PUDP: variants seen among roughly 807,000 people sequenced by gnomAD.
PUDP encodes the protein pseudouridine 5'-phosphatase, also known as pseudouridine-5'-phosphatase.
In PUDP, 8 loss-of-function variants were observed where a neutral mutation model predicts 9.4. That is an observed-to-expected ratio of 0.85 (90% confidence interval 0.50 to 1.53). PUDP has a LOEUF of 1.53. Ranked by LOEUF, PUDP falls within the 40% of genes most tolerant of loss-of-function variation. The pLI is 0.00. For synonymous variants in PUDP, 99 were observed against 80.7 expected, an observed-to-expected ratio of 1.23 and a Z score of -1.22; for missense variants, 188 against 189.7, an observed-to-expected ratio of 0.99 and a Z score of 0.05.
At position 6,741,806 on chromosome X, in the gene PUDP, ATCTCTCTC is replaced by A. The variant is rs745363071; in HGVS notation, c.*248-35348_*248-35341del. 1.2e-3 allele frequency among the ~76,000 whole-genome samples: 120 copies of A among 100,994 alleles called. 2 individuals carry two copies. Among genetic ancestry groups the A allele is most frequent in the African/African-American group, 4.0e-3 (107 of 26,985 alleles). 87.7% of individuals were successfully genotyped at this position (100,994 alleles called of 115,157 possible). A position where few individuals can be genotyped will look rare whatever the true frequency, so the allele number is the denominator to read the frequency against. On this transcript the variant is annotated intron_variant and NMD_transcript_variant, in intron 3 of 3. Coordinates refer to the PUDP transcript ENST00000655425. Reference sequence around the variant, plus strand: ...TGTATAAAGATTTCTCTCTTTTTAAATCTCTCTCTCTCTCTCTCTCTCTCTTTCTTTCT... The same window carrying A: ...TGTATAAAGATTTCTCTCTTTTTAAATCTCTCTCTCTCTCTCTTTCTTTCT...
intron 3 of PUDP, among the ~76,000 whole-genome samples, chrX:6,959,945 T>C (rs770413030): frequency 8.9e-6 from 1 of 112,856 alleles, no homozygotes; most frequent in Non-Finnish European, 1.9e-5. Context: ...ATTTCTTCCT[T>C]TTGAGAGAAT....
rs1274410969 is a variant in PUDP at position 7,137,118 on chromosome X, G to A, written c.61+10935C>T. ...TAGCTGGGTGTGGTGGCAGGCACCTGTAATCCCAGCTACTAGGGAGGCTAG... is the reference window on the plus strand; with the variant it reads ...TAGCTGGGTGTGGTGGCAGGCACCTATAATCCCAGCTACTAGGGAGGCTAG... On this transcript the variant is annotated intron_variant, in intron 1 of 3. Transcript: ENST00000381077. Among the ~76,000 whole-genome samples, 5 of 110,110 alleles carry A rather than the reference G, an allele frequency of 4.5e-5. No individual in the cohort carries two copies. In the South Asian group the frequency reaches 2.0e-3, roughly 44 times the overall value.
Position 7,084,058 on chromosome X carries a change from C to T in PUDP, c.281-6609G>A, listed in dbSNP as rs1273164614. Among the ~76,000 whole-genome samples the T allele has an allele frequency of 2.7e-5, 3 of 111,923 alleles. No individual in the cohort carries two copies. In the Admixed American group the frequency reaches 2.8e-4, roughly 11 times the overall value. On this transcript the variant is annotated intron_variant, in intron 2 of 3. Coordinates refer to ENST00000381077, the MANE Select transcript of PUDP (RefSeq NM_012080.5). ...GAGGACTACAGAGAAACCCTGTCAC[C>T]CTCCGGCCTCCATCCTCTTCCTAAG...
chrX:7,083,280 G>A (rs1299761599), intron 2 of PUDP, among the ~76,000 whole-genome samples: 1 of 112,124 alleles, frequency 8.9e-6, no homozygotes, highest in Non-Finnish European at 1.9e-5. Context: ...CCAGGTGTTT[G>A]TGGAAGAAGA....
intron 3 of PUDP, among the ~76,000 whole-genome samples, chrX:6,845,152 GT>G (rs1290195981): frequency 8.9e-6 from 1 of 111,891 alleles, no homozygotes; most frequent in African/African-American, 3.3e-5. Flanking sequence ...GCCTAGTCAA[GT>G]CGACACTTAC....
At chrX:7,037,826 GGGA>G (rs1229992868) in intron 1 of PUDP, among the ~76,000 whole-genome samples, 1 of 111,082 alleles carries the variant, frequency 9.0e-6, no homozygotes, top group Non-Finnish European at 1.9e-5. Flanking sequence ...ATGGGGTGAG[GGGA>G]GGACTGAAGA....
chrX:6,933,378 C>G (rs1442955963), intron 3 of PUDP, among the ~76,000 whole-genome samples: 1 of 111,770 alleles, frequency 8.9e-6, no homozygotes, highest in Non-Finnish European at 1.9e-5. Context: ...GCAAACAGGT[C>G]TGGAGTGGAC....
intron 1 of PUDP, among the ~76,000 whole-genome samples, chrX:6,992,857 T>G (rs1022697651): frequency 4.5e-5 from 5 of 111,867 alleles, no homozygotes; most frequent in Non-Finnish European, 9.4e-5. Flanking sequence ...TTCAATCAGC[T>G]GCCAATGCAG....
At chrX:6,765,773 G>T (rs930164739) in intron 3 of PUDP, among the ~76,000 whole-genome samples, 4 of 111,600 alleles carry the variant, frequency 3.6e-5, no homozygotes, top group Non-Finnish European at 7.5e-5. Context: ...AAAACAACTA[G>T]CTAAATGCCT....
At chrX:7,113,822 A>G in intron 1 of PUDP, among the ~76,000 whole-genome samples, 1 of 112,119 alleles carries the variant, frequency 8.9e-6, no homozygotes, top group Non-Finnish European at 1.9e-5. Context: ...CTGTCCAACT[A>G]CATATTCTTG....
chrX:6,938,153 A>G (rs368601409), intron 3 of PUDP, among the ~76,000 whole-genome samples: 1 of 51,863 alleles, frequency 1.9e-5, no homozygotes, highest in Non-Finnish European at 3.5e-5. Context: ...AAAGGACTAT[A>G]AATCATGCTG....
chrX:7,050,592 G>C, intron 3 of PUDP, 120 bp from the exon 4 acceptor site: 1 of 642,222 alleles, frequency 1.6e-6, no homozygotes, highest in Non-Finnish European at 2.4e-6. Context: ...GAATTACAGT[G>C]GGGGCTCCCC....
intron 1 of PUDP, among the ~76,000 whole-genome samples, chrX:7,136,931 A>G (rs1463240997): frequency 8.9e-6 from 1 of 111,771 alleles, no homozygotes; most frequent in African/African-American, 3.3e-5. Flanking sequence ...TAGGACCCCA[A>G]TGACAAATAC....
At chrX:6,801,971 T>C (rs1402451852) in intron 3 of PUDP, among the ~76,000 whole-genome samples, 1 of 111,774 alleles carries the variant, frequency 8.9e-6, no homozygotes, top group Non-Finnish European at 1.9e-5. Context: ...ACACTGAGTG[T>C]TACCAACGCA....
rs1215390629 is a variant in PUDP at position 7,066,320 on chromosome X, A to G, written c.510+10900T>C. Among the ~76,000 whole-genome samples, 9 of 111,743 alleles carry G rather than the reference A, an allele frequency of 8.1e-5. 1 individual carries two copies. The highest frequency in any genetic ancestry group is 3.8e-4 in the South Asian group (1 of 2,625). On this transcript the variant is annotated intron_variant, in intron 3 of 3. Transcript: ENST00000381077. ...GGCATGGATTTTTTTGAGGCATTTGAGTGACAGTCCAGAAATAAAAAAATA... is the reference window on the plus strand; with the variant it reads ...GGCATGGATTTTTTTGAGGCATTTGGGTGACAGTCCAGAAATAAAAAAATA...
At chrX:7,059,999 G>C (rs773106066) in intron 3 of PUDP, among the ~76,000 whole-genome samples, 1 of 112,122 alleles carries the variant, frequency 8.9e-6, no homozygotes, top group Non-Finnish European at 1.9e-5. Flanking sequence ...GATTAAATGA[G>C]CTGGTGGATG....
At chrX:6,726,253 T>C (rs901050130), upstream of PUDP, among the ~76,000 whole-genome samples, 2 of 111,387 alleles carry the variant, frequency 1.8e-5, no homozygotes, top group Non-Finnish European at 3.8e-5. Context: ...CATTCTACTG[T>C]GGTTACTAAA....
At chrX:6,806,540 G>C (rs968783971) in intron 3 of PUDP, among the ~76,000 whole-genome samples, 1 of 111,643 alleles carries the variant, frequency 9.0e-6, no homozygotes, top group African/African-American at 3.3e-5. Context: ...TGTTGCCCAG[G>C]CTGGTCTCCA....
At chrX:6,810,346 AAGTGT>A (rs1926122958) in intron 3 of PUDP, among the ~76,000 whole-genome samples, 1 of 111,677 alleles carries the variant, frequency 9.0e-6, no homozygotes, top group African/African-American at 3.3e-5. Context: ...GTTGCTTATT[AAGTGT>A]AGTGTCAGAG....
Sources: gnomAD v4.1 joint callset for allele counts (sites outside exome capture counted in the v4.1 genomes callset) on GRCh38, gnomAD v4.1.1 for gene constraint, MANE v1.5 for transcripts, NCBI Gene and HGNC (gene_info 2026-07-23, HGNC 2026-07-21) for gene names.